The following PCDHGA8 variants were observed in gnomAD, a reference collection of about 807,000 sequenced individuals.
PCDHGA8 encodes the protein protocadherin gamma-A8.
A neutral mutation model predicts 59.2 loss-of-function variants in PCDHGA8; 45 were observed. The observed-to-expected ratio is 0.76, with a 90% CI of 0.60 to 0.98. The LOEUF (loss-of-function observed/expected upper bound fraction) is 0.98. PCDHGA8 is among the 50% of genes least tolerant of loss of function. The pLI, the probability that PCDHGA8 is intolerant of heterozygous loss-of-function variation, is 0.00. For missense variants in PCDHGA8, 1,257 were observed against 1,196.2 expected (o/e 1.05, Z -0.75); for synonymous variants, 531 against 519.0 (o/e 1.02, Z -0.32).
intron 1 of PCDHGA8, among the ~76,000 whole-genome samples, chr5:141,484,819 G>A (rs2099601374): frequency 1.3e-5 from 2 of 152,122 alleles, no homozygotes; most frequent in Admixed American, 1.3e-4. Flanking sequence ...GCCGTTGAGC[G>A]GGAGGAAGGC....
intron 1 of PCDHGA8, among the ~76,000 whole-genome samples, chr5:141,468,857 C>A (rs1386167428): frequency 2.0e-5 from 3 of 151,962 alleles, no homozygotes; most frequent in Non-Finnish European, 4.4e-5. Context: ...CAGAGCGAGA[C>A]TCCATCTCAA....
At position 141,408,870 on chromosome 5, in the gene PCDHGA8, G is replaced by C. The variant is rs780987841; in HGVS notation, c.2424+13633G>C. ...TTGGACGGAGGGGACCCACCAAGAAGTGCCACCGCTCACATAGAAATTTCT... is the reference window on the plus strand; with the variant it reads ...TTGGACGGAGGGGACCCACCAAGAACTGCCACCGCTCACATAGAAATTTCT... On this transcript the variant is annotated intron_variant, in intron 1 of 3. Coordinates refer to ENST00000398604, the MANE Select transcript of PCDHGA8 (RefSeq NM_032088.2). The C allele has an allele frequency of 1.2e-6, 2 of 1,613,656 alleles. No homozygotes were observed. Among genetic ancestry groups the C allele is most frequent in the South Asian group, 1.1e-5 (1 of 91,026 alleles).
In PCDHGA8 at chr5:141,477,963, A is replaced by C; in HGVS notation, c.2425-16844A>C. ...TACAGTCTCTTGGGATCCCCTAACC[A>C]GAGCCTTTTTGCCATAGGGCTGCAC... On this transcript the variant is annotated intron_variant, in intron 1 of 3. Coordinates refer to ENST00000398604, the MANE Select transcript of PCDHGA8 (RefSeq NM_032088.2). The surrounding 1 kb of genome is among the most constrained non-coding windows in gnomAD (Gnocchi z 4.9). The C allele has an allele frequency of 1.2e-6, 2 of 1,614,118 alleles. No individual in the cohort carries two copies. The highest frequency in any genetic ancestry group is 1.7e-6 in the Non-Finnish European group (2 of 1,180,024).
chr5:141,485,821 T>C lies in PCDHGA8; in HGVS notation c.2425-8986T>C, dbSNP rs765768266. 4 of 1,614,134 alleles carry C rather than the reference T, an allele frequency of 2.5e-6. No homozygotes were observed. Among genetic ancestry groups the C allele is most frequent in the Admixed American group, 1.7e-5 (1 of 60,014 alleles). ...ACCGCCTGGTGCTGACTGCTGTCGATGGAGGGAACCCGCCGAGATCTGGCA... is the reference window on the plus strand; with the variant it reads ...ACCGCCTGGTGCTGACTGCTGTCGACGGAGGGAACCCGCCGAGATCTGGCA... On this transcript the variant is annotated intron_variant, in intron 1 of 3. Coordinates refer to ENST00000398604, the MANE Select transcript of PCDHGA8 (RefSeq NM_032088.2). This position sits in a 1 kb window ranked among gnomAD's most constrained non-coding sequence, Gnocchi z 5.7.
intron 1 of PCDHGA8, chr5:141,403,454 C>A: frequency 6.2e-7 from 1 of 1,614,054 alleles, no homozygotes; most frequent in Non-Finnish European, 8.5e-7. Flanking sequence ...GAACTCCCTC[C>A]AGAGCTACCA....
At chr5:141,409,148 A>C (rs2154541051) in intron 1 of PCDHGA8, 1 of 1,614,056 alleles carries the variant, frequency 6.2e-7, no homozygotes. Context: ...AGAAAGGTAC[A>C]CCATGGAAGT....
chr5:141,423,811 T>G, intron 1 of PCDHGA8: 1 of 1,254,642 alleles, frequency 8.0e-7, no homozygotes, highest in Non-Finnish European at 1.0e-6. Flanking sequence ...ACATGTGAGT[T>G]TTACTTTGCC....
chr5:141,408,431 G>A, intron 1 of PCDHGA8: 1 of 1,614,064 alleles, frequency 6.2e-7, no homozygotes. Flanking sequence ...GCACTTCAGC[G>A]TAGACGCGGA....
chr5:141,419,375 T>G (rs755252910), intron 1 of PCDHGA8: 1 of 1,613,728 alleles, frequency 6.2e-7, no homozygotes, highest in Admixed American at 1.7e-5. Context: ...GTCCTACGTG[T>G]CCGTGAGCGC....
chr5:141,423,927 T>A, intron 1 of PCDHGA8: 1 of 1,240,434 alleles, frequency 8.1e-7, no homozygotes, highest in Non-Finnish European at 1.0e-6. Context: ...TATGCTGGTT[T>A]GGTTTGAAGT....
chr5:141,399,002 C>A (rs1415503184), intron 1 of PCDHGA8: 2 of 1,613,830 alleles, frequency 1.2e-6, no homozygotes, highest in South Asian at 2.2e-5. Flanking sequence ...AGTCTGAATT[C>A]AAAGAGCGGA....
At chr5:141,427,635 C>T in intron 1 of PCDHGA8, 1 of 706,280 alleles carries the variant, frequency 1.4e-6, no homozygotes, top group African/African-American at 1.7e-5. Context: ...TCCGGTTTTC[C>T]ACCAAGTCTC....
Position 141,477,209 on chromosome 5 carries a change from GC to G in PCDHGA8, c.2425-17594del. On this transcript the variant is annotated intron_variant, in intron 1 of 3. Transcript: ENST00000398604. The surrounding 1 kb of genome is among the most constrained non-coding windows in gnomAD (Gnocchi z 4.9). Reference sequence around the variant, plus strand: ...CGTGTACAGCCCAGTACCCGAGGATGCCCCTCTGGGGACTGTCATCGCTTTG... The same window carrying G: ...CGTGTACAGCCCAGTACCCGAGGATGCCCTCTGGGGACTGTCATCGCTTTG... The G allele has an allele frequency of 6.2e-7, 1 of 1,614,194 alleles. No homozygotes were observed. Among genetic ancestry groups the G allele is most frequent in the Non-Finnish European group, 8.5e-7 (1 of 1,180,038 alleles).
In PCDHGA8 at chr5:141,423,069, G is replaced by A. The variant is rs1364397726; in HGVS notation, c.2424+27832G>A. ...CCTATCGCCTGCTTAAGGCCAGCGA[G>A]CCGGGACTCTTCGCGGTGGGGGAGC... On this transcript the variant is annotated intron_variant, in intron 1 of 3. Transcript: ENST00000398604. 8 of 1,614,034 alleles carry A rather than the reference G, an allele frequency of 5.0e-6. No homozygotes were observed. In the African/African-American group the frequency reaches 1.1e-4, roughly 22 times the overall value.
Position 141,476,364 on chromosome 5 carries a change from C to T in PCDHGA8, c.2425-18443C>T, listed in dbSNP as rs1462808655. The T allele has an allele frequency of 6.2e-7, 1 of 1,614,036 alleles. No homozygotes were observed. The highest frequency in any genetic ancestry group is 8.5e-7 in the Non-Finnish European group (1 of 1,180,026). Reference sequence around the variant, plus strand: ...AGATTCTTTGAGGTGAACCGGGAGACCGGAGAGATGTTTGTGAACGACCGT... The same window carrying T: ...AGATTCTTTGAGGTGAACCGGGAGATCGGAGAGATGTTTGTGAACGACCGT... On this transcript the variant is annotated intron_variant, in intron 1 of 3. Coordinates refer to ENST00000398604, the MANE Select transcript of PCDHGA8 (RefSeq NM_032088.2). This position sits in a 1 kb window ranked among gnomAD's most constrained non-coding sequence, Gnocchi z 7.6.
At chr5:141,455,160 G>GT (rs59530096) in intron 1 of PCDHGA8, among the ~76,000 whole-genome samples, 26,536 of 149,098 alleles carry the variant, frequency 0.18, 2,386 homozygotes, top group South Asian at 0.23. Flanking sequence ...TAGTTTGTTG[G>GT]TTTTTTTTTT....
At chr5:141,402,799 C>G in intron 1 of PCDHGA8, 1 of 1,061,846 alleles carries the variant, frequency 9.4e-7, no homozygotes, top group Non-Finnish European at 1.3e-6. Flanking sequence ...TACACAAAAC[C>G]CGGCAGATAC....
At chr5:141,399,851 C>T (rs971471583) in intron 1 of PCDHGA8, 3 of 1,612,950 alleles carry the variant, frequency 1.9e-6, no homozygotes, top group Non-Finnish European at 2.5e-6. Flanking sequence ...GATATGGTGC[C>T]GCGCGCTGCA....
At chr5:141,398,372 G>C in intron 1 of PCDHGA8, 1 of 1,437,202 alleles carries the variant, frequency 7.0e-7, no homozygotes, top group Non-Finnish European at 9.7e-7. Context: ...GCAGAGAGCG[G>C]GGAGTTGCTT....
Sources: gnomAD v4.1 joint callset for allele counts (sites outside exome capture counted in the v4.1 genomes callset) on GRCh38, gnomAD v4.1.1 for gene constraint, Gnocchi (gnomAD v3.1) non-coding constraint, MANE v1.5 for transcripts, NCBI Gene and HGNC (gene_info 2026-07-23, HGNC 2026-07-21) for gene names.